CDH18: variants seen among roughly 807,000 people sequenced by gnomAD.
The protein encoded by CDH18 is cadherin-18.
CDH18 carries 31 observed loss-of-function variants against 67.9 expected under a neutral mutation model. That is an observed-to-expected ratio of 0.46 (90% CI 0.34 to 0.62). CDH18 has a LOEUF of 0.62. Ranked by LOEUF, CDH18 falls within the 20% of genes least tolerant of loss-of-function variation. The pLI, the probability that CDH18 is intolerant of heterozygous loss-of-function variation, is 0.01. For missense variants in CDH18, 890 were observed against 975.5 expected (o/e 0.91, Z 1.17); for synonymous variants, 362 against 347.2 (o/e 1.04, Z -0.48).
chr5:19,579,904 C>T (rs1014401928), intron 7 of CDH18, among the ~76,000 whole-genome samples: 11 of 151,560 alleles, frequency 7.3e-5, no homozygotes, highest in Non-Finnish European at 8.9e-5. Context: ...ATCCACCCCC[C>T]CCAAAGAAAT....
chr5:20,347,680 T>C (rs1001326768), intron 1 of CDH18, among the ~76,000 whole-genome samples: 13 of 152,286 alleles, frequency 8.5e-5, no homozygotes, highest in Admixed American at 3.9e-4. Flanking sequence ...AAATATAATA[T>C]TGTTAACATG....
intron 1 of CDH18, among the ~76,000 whole-genome samples, chr5:20,311,492 G>A (rs183600139): frequency 6.6e-6 from 1 of 152,254 alleles, no homozygotes; most frequent in East Asian, 1.9e-4. Context: ...CATGTCCTTT[G>A]CAGGGACATG....
intron 1 of CDH18, among the ~76,000 whole-genome samples, chr5:20,321,306 T>C (rs1738000626): frequency 6.6e-6 from 1 of 152,018 alleles, no homozygotes; most frequent in South Asian, 2.1e-4. Flanking sequence ...ATCTCCTTGA[T>C]CCCTTGCCAT....
intron 1 of CDH18, among the ~76,000 whole-genome samples, chr5:20,332,749 T>TA (rs1364476903): frequency 2.0e-5 from 3 of 152,156 alleles, no homozygotes; most frequent in African/African-American, 7.2e-5. Context: ...CATAAAAACT[T>TA]ATAAAAACAA....
chr5:20,484,735 G>A (rs974572665), intron 1 of CDH18, among the ~76,000 whole-genome samples: 1 of 151,896 alleles, frequency 6.6e-6, no homozygotes, highest in African/African-American at 2.4e-5. Context: ...TATTTGTGGG[G>A]GCTAAATATT....
chr5:20,462,892 C>T (rs73060642), intron 1 of CDH18, among the ~76,000 whole-genome samples: 11,786 of 152,196 alleles, frequency 0.077, 1,456 homozygotes, highest in African/African-American at 0.26. Flanking sequence ...CATTGCTTCT[C>T]CCTCAAACTC....
At chr5:19,743,953 CAG>C (rs1010704019) in intron 4 of CDH18, among the ~76,000 whole-genome samples, 1 of 125,736 alleles carries the variant, frequency 8.0e-6, no homozygotes, top group African/African-American at 3.0e-5. Context: ...AAAAAAAAAT[CAG>C]AGTTAATGAA....
At chr5:19,482,604 G>C (rs1265168853) in intron 12 of CDH18, among the ~76,000 whole-genome samples, 1 of 151,656 alleles carries the variant, frequency 6.6e-6, no homozygotes, top group African/African-American at 2.4e-5. Flanking sequence ...TTTGTTTTAT[G>C]GTTTATTCAT....
Position 20,137,941 on chromosome 5 carries a change from G to A in CDH18, c.-518+117503C>T, listed in dbSNP as rs539965175. The stretch of plus-strand genomic sequence containing the variant: ...ACAACTCCAATCAATAGAAAAAGAG[G>A]GAATCCTCCCTAACTCATTTTATGA... On this transcript the variant is annotated intron_variant, in intron 2 of 14. Transcript: ENST00000507958. Among the ~76,000 whole-genome samples the A allele has an allele frequency of 5.2e-3, 792 of 152,128 alleles. 7 individuals carry two copies. Among genetic ancestry groups the A allele is most frequent in the Middle Eastern group, 0.031 (9 of 294 alleles).
intron 1 of CDH18, among the ~76,000 whole-genome samples, chr5:20,471,853 C>CAAAAAAAAAAAAAAAAAA (rs1554005562): frequency 3.5e-5 from 2 of 56,520 alleles, no homozygotes; most frequent in African/African-American, 1.1e-4. Flanking sequence ...AAAAAAAAAG[C>CAAAAAAAAAAAAAAAAAA]AAAAGCATTG....
At chr5:19,752,698 C>T (rs1276274878) in intron 3 of CDH18, among the ~76,000 whole-genome samples, 1 of 152,124 alleles carries the variant, frequency 6.6e-6, no homozygotes, top group Non-Finnish European at 1.5e-5. Context: ...CTGGAAAGCA[C>T]CACCTCCTGG....
At chr5:20,348,405 A>G (rs1740886933) in intron 1 of CDH18, among the ~76,000 whole-genome samples, 1 of 152,238 alleles carries the variant, frequency 6.6e-6, no homozygotes, top group Non-Finnish European at 1.5e-5. Flanking sequence ...AATATTTACA[A>G]TGATTAATGA....
chr5:20,459,269 A>C (rs1486828653), intron 1 of CDH18, among the ~76,000 whole-genome samples: 1 of 152,202 alleles, frequency 6.6e-6, no homozygotes, highest in Non-Finnish European at 1.5e-5. Flanking sequence ...CAGGTTTTTC[A>C]GTAGAGATAT....
chr5:20,020,333 T>C (rs1470375116), intron 2 of CDH18, among the ~76,000 whole-genome samples: 1 of 152,224 alleles, frequency 6.6e-6, no homozygotes, highest in African/African-American at 2.4e-5. Flanking sequence ...TCAAGTCTGC[T>C]GCAGTCATTT....
intron 1 of CDH18, among the ~76,000 whole-genome samples, chr5:20,274,545 T>C (rs1745665437): frequency 6.6e-6 from 1 of 152,146 alleles, no homozygotes; most frequent in African/African-American, 2.4e-5. Context: ...GCAATGGCCT[T>C]CATAGATGAG....
intron 2 of CDH18, among the ~76,000 whole-genome samples, chr5:20,005,965 C>T (rs1045023968): frequency 6.6e-6 from 1 of 151,802 alleles, no homozygotes; most frequent in Non-Finnish European, 1.5e-5. Context: ...GATAGAATTC[C>T]TTATGGGCAT....
chr5:20,044,470 T>C (rs1027105704), intron 2 of CDH18, among the ~76,000 whole-genome samples: 3 of 152,154 alleles, frequency 2.0e-5, no homozygotes, highest in Non-Finnish European at 2.9e-5. Context: ...TTCACACATA[T>C]ATTCAGTTCT....
chr5:20,292,515 G>A (rs1747178181), intron 1 of CDH18, among the ~76,000 whole-genome samples: 1 of 152,150 alleles, frequency 6.6e-6, no homozygotes, highest in South Asian at 2.1e-4. Context: ...TGAGGAGGAG[G>A]CCAATGCAGT....
chr5:20,370,980 T>C (rs1694776990), intron 1 of CDH18, among the ~76,000 whole-genome samples: 1 of 150,920 alleles, frequency 6.6e-6, no homozygotes. Context: ...GAGGTTGCAG[T>C]GAGCTGAGAT....
Sources: gnomAD v4.1 joint callset for allele counts (sites outside exome capture counted in the v4.1 genomes callset) on GRCh38, gnomAD v4.1.1 for gene constraint, MANE v1.5 for transcripts, NCBI Gene and HGNC (gene_info 2026-07-23, HGNC 2026-07-21) for gene names.